The following FAM168B variants were observed in gnomAD, a reference collection of about 807,000 sequenced individuals.
FAM168B encodes the protein family with sequence similarity 168 member B.
Under a neutral mutation model 21.8 loss-of-function variants are expected in FAM168B, and 19 were observed. That is an observed-to-expected ratio of 0.87 (90% confidence interval 0.61 to 1.28). The LOEUF (loss-of-function observed/expected upper bound fraction) is 1.28. Ranked by LOEUF, FAM168B falls within the 50% of genes most tolerant of loss-of-function variation. The probability of loss-of-function intolerance (pLI) is 0.00; values close to 1 mark genes in which losing one functional copy is unlikely to be tolerated. For missense variants in FAM168B, 233 were observed against 263.1 expected (o/e 0.89, Z 0.79); for synonymous variants, 126 against 104.8 (o/e 1.20, Z -1.24).
chr2:131,069,660 A>AT (rs1692760296), intron 3 of FAM168B, among the ~76,000 whole-genome samples: 1 of 151,516 alleles, frequency 6.6e-6, no homozygotes, highest in African/African-American at 2.4e-5. Context: ...TGACCAGCTA[A>AT]TTTTTTGTAT....
At position 131,090,088 on chromosome 2, in the gene FAM168B, C is replaced by T. The variant is rs142899461; in HGVS notation, c.-12+3126G>A. Among the ~76,000 whole-genome samples, 160 of 142,248 alleles carry T rather than the reference C, an allele frequency of 1.1e-3. 2 individuals are homozygous for T. In the South Asian group the frequency reaches 0.017, roughly 15 times the overall value. 93.3% of individuals were successfully genotyped at this position (142,248 alleles called of 152,430 possible). A position where few individuals can be genotyped will look rare whatever the true frequency, so the allele number is the denominator to read the frequency against. On this transcript the variant is annotated intron_variant, in intron 1 of 6. Coordinates refer to ENST00000389915, the MANE Select transcript of FAM168B (RefSeq NM_001009993.4). Reference sequence around the variant, plus strand: ...TAATCCCAGCACTTCGGGAGGCCGACGAGGGCGGATCACGAGGTCAGGAGA... The same window carrying T: ...TAATCCCAGCACTTCGGGAGGCCGATGAGGGCGGATCACGAGGTCAGGAGA...
chr2:131,067,746 CA>C (rs1692643104), intron 3 of FAM168B, among the ~76,000 whole-genome samples: 2 of 152,142 alleles, frequency 1.3e-5, no homozygotes, highest in African/African-American at 4.8e-5. Context: ...CACACATACA[CA>C]CCCACCTCCA....
chr2:131,055,491 C>G (rs780025588), intron 4 of FAM168B, 42 bp from the exon 5 acceptor site: 1 of 1,601,944 alleles, frequency 6.2e-7, no homozygotes, highest in Non-Finnish European at 8.5e-7. Context: ...GTCCCAGGGC[C>G]AAAGGATGAA....
chr2:131,070,819 C>T (rs959162075), intron 3 of FAM168B, among the ~76,000 whole-genome samples: 1 of 152,130 alleles, frequency 6.6e-6, no homozygotes, highest in East Asian at 1.9e-4. Flanking sequence ...AAAAAATGGG[C>T]CAATATGGCA....
At chr2:131,054,245 A>G (rs2105457172) in intron 5 of FAM168B, among the ~76,000 whole-genome samples, 1 of 151,986 alleles carries the variant, frequency 6.6e-6, no homozygotes, top group East Asian at 1.9e-4. Context: ...TTAAAAAAAA[A>G]AAAAAGAAAT....
chr2:131,057,666 T>C (rs1215384970), intron 3 of FAM168B, among the ~76,000 whole-genome samples: 2 of 152,198 alleles, frequency 1.3e-5, no homozygotes, highest in Non-Finnish European at 2.9e-5. Context: ...TTGGATCACC[T>C]GAGCCGGAGG....
At chr2:131,055,482 T>C (rs1279089313) in intron 4 of FAM168B, 33 bp from the exon 5 acceptor site, 15 of 1,603,044 alleles carry the variant, frequency 9.4e-6, no homozygotes, top group African/African-American at 1.3e-5. Flanking sequence ...TGACACAGGG[T>C]CCCAGGGCCA....
intron 1 of FAM168B, among the ~76,000 whole-genome samples, chr2:131,083,912 A>G (rs1195361092): frequency 7.6e-6 from 1 of 131,222 alleles, no homozygotes; most frequent in Non-Finnish European, 1.6e-5. Context: ...TTATTTATTT[A>G]TTTATTTTCC....
chr2:131,074,132 TTCTC>T (rs1032245158), intron 2 of FAM168B, among the ~76,000 whole-genome samples: 2 of 151,290 alleles, frequency 1.3e-5, no homozygotes, highest in East Asian at 1.9e-4. Flanking sequence ...TTAGAAAGTA[TTCTC>T]TCTTTTTTTT....
intron 2 of FAM168B, among the ~76,000 whole-genome samples, chr2:131,080,763 G>A (rs977977384): frequency 9.2e-5 from 14 of 151,568 alleles, no homozygotes; most frequent in Non-Finnish European, 1.5e-4. Flanking sequence ...TCCACCTCCC[G>A]GGTTCACGCC....
intron 3 of FAM168B, 125 bp downstream of exon 3, chr2:131,071,730 A>C: frequency 1.3e-6 from 1 of 784,060 alleles, no homozygotes; most frequent in South Asian, 1.6e-5. Context: ...TCAACAGGCT[A>C]ACTTAATGAA....
Position 131,076,908 on chromosome 2 carries a change from G to A in FAM168B, c.71-4970C>T, listed in dbSNP as rs372747749. On this transcript the variant is annotated intron_variant, in intron 2 of 6. Coordinates refer to ENST00000389915, the MANE Select transcript of FAM168B (RefSeq NM_001009993.4). ...AACTACGCTGACTAACTTCCGACTAGCAGAAATCCAGAAGCTGGAAAACAC... is the reference window on the plus strand; with the variant it reads ...AACTACGCTGACTAACTTCCGACTAACAGAAATCCAGAAGCTGGAAAACAC... Among the ~76,000 whole-genome samples the A allele has an allele frequency of 2.1e-4, 32 of 149,708 alleles. No homozygotes were observed. In the East Asian group the frequency reaches 5.7e-3, roughly 27 times the overall value.
chr2:131,072,042 A>C, intron 2 of FAM168B, 104 bp from the exon 3 acceptor site: 1 of 942,226 alleles, frequency 1.1e-6, no homozygotes, highest in Non-Finnish European at 1.7e-6. Flanking sequence ...AGAACTCCAC[A>C]GACTTAAGCA....
intron 1 of FAM168B, among the ~76,000 whole-genome samples, chr2:131,088,028 T>C (rs1693804277): frequency 6.6e-6 from 1 of 152,106 alleles, no homozygotes; most frequent in Non-Finnish European, 1.5e-5. Context: ...GGCGGATCAC[T>C]TGAGACCACG....
At chr2:131,091,388 G>A (rs967028248) in intron 1 of FAM168B, among the ~76,000 whole-genome samples, 1 of 151,734 alleles carries the variant, frequency 6.6e-6, no homozygotes, top group Non-Finnish European at 1.5e-5. Context: ...GAGCGCGGTG[G>A]TGTCTCCAGC....
At chr2:131,086,384 G>A (rs1411177322) in intron 1 of FAM168B, among the ~76,000 whole-genome samples, 1 of 152,150 alleles carries the variant, frequency 6.6e-6, no homozygotes, top group African/African-American at 2.4e-5. Context: ...GAAAAGCGCT[G>A]TCCAACAGAA....
rs1691609575 is a variant in FAM168B at position 131,050,671 on chromosome 2, A to T, written c.*1794T>A. ...AAGATGTGAAAAAGAAAATTATAAG[A>T]AGTACTTACTATAAAAAATAAGGTT... On this transcript the variant is annotated 3_prime_UTR_variant, in exon 7 of 7. Coordinates refer to ENST00000389915, the MANE Select transcript of FAM168B (RefSeq NM_001009993.4). 22 of 984,878 alleles carry T rather than the reference A, an allele frequency of 2.2e-5. No homozygotes were observed. Among genetic ancestry groups the T allele is most frequent in the South Asian group, 1.9e-4 (4 of 21,282 alleles). 61.0% of individuals were successfully genotyped at this position (984,878 alleles called of 1,614,324 possible). A position where few individuals can be genotyped will look rare whatever the true frequency, so the allele number is the denominator to read the frequency against.
At chr2:131,056,571 C>T (rs973168003) in intron 3 of FAM168B, among the ~76,000 whole-genome samples, 3 of 152,124 alleles carry the variant, frequency 2.0e-5, no homozygotes, top group South Asian at 2.1e-4. Flanking sequence ...CCCTTCCTGA[C>T]CCCAACAGAG....
intron 5 of FAM168B, among the ~76,000 whole-genome samples, chr2:131,054,675 G>C (rs1691908614): frequency 6.6e-6 from 1 of 152,140 alleles, no homozygotes; most frequent in South Asian, 2.1e-4. Flanking sequence ...AGATTGGGTG[G>C]TCACCCAATC....
Sources: gnomAD v4.1 joint callset for allele counts (sites outside exome capture counted in the v4.1 genomes callset) on GRCh38, gnomAD v4.1.1 for gene constraint, MANE v1.5 for transcripts, NCBI Gene and HGNC (gene_info 2026-07-23, HGNC 2026-07-21) for gene names.